Variants in PLAAT1 observed in about 807,000 individuals in gnomAD.
PLAAT1 encodes H-REV107 protein-related protein.
Under a neutral mutation model 16.4 loss-of-function variants are expected in PLAAT1, and 13 were observed. That is an observed-to-expected ratio of 0.79 (90% confidence interval 0.52 to 1.26). PLAAT1 has a LOEUF of 1.26. Among genes scored for constraint, PLAAT1 ranks in the 50% most tolerant of loss-of-function variants. The pLI is 0.00. For missense variants in PLAAT1, 218 were observed against 207.8 expected (o/e 1.05, Z -0.30); for synonymous variants, 73 against 78.4 (o/e 0.93, Z 0.36).
chr3:193,258,651 A>G (rs1368441119), intron 2 of PLAAT1, among the ~76,000 whole-genome samples: 3 of 152,170 alleles, frequency 2.0e-5, no homozygotes, highest in African/African-American at 7.2e-5. Flanking sequence ...AATTTAGAGG[A>G]AATGGACAAA....
At chr3:193,255,910 C>A in intron 2 of PLAAT1, 121 bp downstream of exon 2, 3 of 905,076 alleles carry the variant, frequency 3.3e-6, no homozygotes, top group South Asian at 3.7e-5. Context: ...GCAGATAAAT[C>A]CAACTAATCT....
At chr3:193,257,584 G>T (rs1342559650) in intron 2 of PLAAT1, among the ~76,000 whole-genome samples, 12 of 152,084 alleles carry the variant, frequency 7.9e-5, no homozygotes, top group Admixed American at 7.9e-4. Flanking sequence ...CAAAAACATG[G>T]AAATTAAACA....
chr3:193,243,277 T>G (rs933638970), intron 1 of PLAAT1, among the ~76,000 whole-genome samples: 1 of 152,254 alleles, frequency 6.6e-6, no homozygotes, highest in South Asian at 2.1e-4. Flanking sequence ...CTCATACTTA[T>G]GAAGCACTGC....
At chr3:193,254,174 T>C (rs1476846016) in intron 1 of PLAAT1, among the ~76,000 whole-genome samples, 1 of 152,214 alleles carries the variant, frequency 6.6e-6, no homozygotes, top group Non-Finnish European at 1.5e-5. Flanking sequence ...TTTCAACAGA[T>C]GGACAGCTTA....
rs113504375 is a variant in PLAAT1, at chr3:193,262,850, G to A, written c.140-120G>A. On this transcript the variant is annotated intron_variant, in intron 2 of 3. Coordinates refer to ENST00000264735, the MANE Select transcript of PLAAT1 (RefSeq NM_020386.5). ...TGATGAGATTAAATGACTTTGGTTT[G>A]ATAATAAGTTAGGAACAGGGCTAGG... is the stretch of plus-strand genomic sequence containing the variant. The A allele has an allele frequency of 2.4e-5, 24 of 987,654 alleles. No homozygotes were observed. In the African/African-American group the frequency reaches 3.1e-4, roughly 13 times the overall value. 61.2% of individuals were successfully genotyped at this position (987,654 alleles called of 1,614,324 possible).
intron 2 of PLAAT1, chr3:193,276,789 C>G (rs761223480): frequency 6.2e-7 from 1 of 1,613,520 alleles, no homozygotes. Flanking sequence ...TGAGGGCTAC[C>G]ACCAAAATTA....
chr3:193,271,367 C>G (rs553461811), downstream of PLAAT1, among the ~76,000 whole-genome samples: 1 of 152,280 alleles, frequency 6.6e-6, no homozygotes, highest in African/African-American at 2.4e-5. Context: ...ACATATTATT[C>G]CCTTTGGATT....
At chr3:193,276,822 T>C in intron 2 of PLAAT1, 1 of 1,612,930 alleles carries the variant, frequency 6.2e-7, no homozygotes, top group South Asian at 1.1e-5. Flanking sequence ...ATGTTATGGT[T>C]GGGATCAACT....
At chr3:193,248,641 A>G (rs1030044372) in intron 1 of PLAAT1, among the ~76,000 whole-genome samples, 4 of 152,098 alleles carry the variant, frequency 2.6e-5, no homozygotes, top group Non-Finnish European at 4.4e-5. Context: ...ACTAATGACA[A>G]GCTATTTTAA....
chr3:193,258,680 T>G (rs1469691106), intron 2 of PLAAT1, among the ~76,000 whole-genome samples: 2 of 151,948 alleles, frequency 1.3e-5, no homozygotes, highest in African/African-American at 2.4e-5. Flanking sequence ...CATACAACCT[T>G]TCAACATTGA....
chr3:193,275,239 T>C (rs142600681), downstream of PLAAT1: 18 of 1,614,070 alleles, frequency 1.1e-5, no homozygotes, highest in Non-Finnish European at 1.4e-5. Context: ...TATTGACTTT[T>C]AGAGTAGAAT....
In PLAAT1 at chr3:193,259,761, G is replaced by A. The variant is rs371828251; in HGVS notation, c.140-3209G>A. 5.3e-5 allele frequency among the ~76,000 whole-genome samples: 8 copies of A among 152,106 alleles called. No homozygotes were observed. The East Asian group carries it at 5.8e-4, about 11-fold the overall frequency. On this transcript the variant is annotated intron_variant, in intron 2 of 3. Coordinates refer to ENST00000264735, the MANE Select transcript of PLAAT1 (RefSeq NM_020386.5). The stretch of plus-strand genomic sequence containing the variant: ...AGATGGAAAAACATTCCATGCTCAC[G>A]GATTGGAAGAAATAATATTAAAATG...
chr3:193,257,642 A>G (rs1440677378), intron 2 of PLAAT1, among the ~76,000 whole-genome samples: 1 of 152,156 alleles, frequency 6.6e-6, no homozygotes. Context: ...TAGTGTCAAC[A>G]TGATTGGATT....
At chr3:193,276,869 T>G (rs1349907593) in intron 2 of PLAAT1, 1 of 1,424,818 alleles carries the variant, frequency 7.0e-7, no homozygotes, top group Non-Finnish European at 9.8e-7. Flanking sequence ...TTTTGCACAC[T>G]TCACACTTTG....
At chr3:193,263,851 A>T (rs1042108884) in intron 3 of PLAAT1, among the ~76,000 whole-genome samples, 18 of 152,160 alleles carry the variant, frequency 1.2e-4, no homozygotes, top group Non-Finnish European at 2.9e-5. Flanking sequence ...GTTTTGTAGT[A>T]TGACAAATTT....
At chr3:193,240,654 C>CGTGTGGGTGTGT, upstream of PLAAT1, among the ~76,000 whole-genome samples, 1 of 88,570 alleles carries the variant, frequency 1.1e-5, no homozygotes, top group Admixed American at 1.2e-4. Flanking sequence ...GGCTATCTGG[C>CGTGTGGGTGTGT]GTGTGTGTGT....
At chr3:193,241,649 C>G (rs549530581) in intron 1 of PLAAT1, 116 bp downstream of exon 1, 3 of 685,272 alleles carry the variant, frequency 4.4e-6, no homozygotes, top group African/African-American at 1.9e-5. Context: ...CTTATCCACC[C>G]TCCTCTTTTT....
chr3:193,274,817 A>T (rs547512931), downstream of PLAAT1: 1 of 599,738 alleles, frequency 1.7e-6, no homozygotes, highest in Non-Finnish European at 2.9e-6. Context: ...CAGTTTATTG[A>T]AAAGGATGAT....
chr3:193,272,295 T>G (rs1717006014), downstream of PLAAT1, among the ~76,000 whole-genome samples: 1 of 151,816 alleles, frequency 6.6e-6, no homozygotes, highest in Non-Finnish European at 1.5e-5. Flanking sequence ...TACAAAAAAT[T>G]AGCCAGGCGT....
Sources: allele counts gnomAD v4.1 joint callset (sites outside exome capture counted in the v4.1 genomes callset), GRCh38; gene constraint gnomAD v4.1.1; transcripts MANE v1.5; gene names NCBI Gene and HGNC (gene_info 2026-07-23, HGNC 2026-07-21).